HYCC2: variants seen among roughly 807,000 people sequenced by gnomAD.
HYCC2 encodes hyccin 2.
At chr2:201,063,655 T>A in the HYCC2 span, 1 of 1,573,616 alleles carries the variant, frequency 6.4e-7, no homozygotes, top group Non-Finnish European at 8.6e-7. Flanking sequence ...TGACTAGTGC[T>A]TCATCTAGCC....
chr2:200,999,716 A>C, the HYCC2 span, among the ~76,000 whole-genome samples: 2 of 149,376 alleles, frequency 1.3e-5, no homozygotes, highest in Admixed American at 1.3e-4. Flanking sequence ...AACATGAGGG[A>C]AAAAAGGTTG....
At chr2:200,978,519 AG>A in the HYCC2 span, 4 of 119,638 alleles carry the variant, frequency 3.3e-5, no homozygotes, top group African/African-American at 6.6e-5. Flanking sequence ...ACTGTTGCCT[AG>A]GCTGGAGTAC....
the HYCC2 span, among the ~76,000 whole-genome samples, chr2:201,044,904 T>C: frequency 7.9e-5 from 12 of 152,322 alleles, no homozygotes; most frequent in East Asian, 2.1e-3. Flanking sequence ...CTGTGGTAAG[T>C]GCTCTCAAAG....
the HYCC2 span, among the ~76,000 whole-genome samples, chr2:201,059,953 A>G: frequency 6.6e-6 from 1 of 150,724 alleles, no homozygotes; most frequent in Non-Finnish European, 1.5e-5. Flanking sequence ...GCTGAGGTGG[A>G]GAATCACTTG....
the HYCC2 span, among the ~76,000 whole-genome samples, chr2:201,017,353 A>C: frequency 6.6e-6 from 1 of 152,134 alleles, no homozygotes; most frequent in African/African-American, 2.4e-5. Context: ...CCAATCCACT[A>C]ACTATAAGAA....
the HYCC2 span, among the ~76,000 whole-genome samples, chr2:201,031,607 C>A: frequency 1.3e-5 from 2 of 152,094 alleles, no homozygotes; most frequent in Non-Finnish European, 2.9e-5. Flanking sequence ...GCCGAGACAG[C>A]GCCATTGCAC....
the HYCC2 span, among the ~76,000 whole-genome samples, chr2:201,019,024 T>C: frequency 6.6e-6 from 1 of 152,234 alleles, no homozygotes; most frequent in African/African-American, 2.4e-5. Flanking sequence ...CAGTGTATTC[T>C]ATGTAGTGCC....
At chr2:201,069,578 AC>A in the HYCC2 span, among the ~76,000 whole-genome samples, 919 of 140,648 alleles carry the variant, frequency 6.5e-3, 12 homozygotes, top group African/African-American at 0.024. Context: ...ACACACACAC[AC>A]ACACACACAC....
the HYCC2 span, among the ~76,000 whole-genome samples, chr2:201,002,839 G>GT: frequency 6.6e-6 from 1 of 152,000 alleles, no homozygotes; most frequent in Non-Finnish European, 1.5e-5. Flanking sequence ...ATTATTTAGC[G>GT]TAACAATTCA....
At chr2:201,044,112 A>C in the HYCC2 span, among the ~76,000 whole-genome samples, 11 of 152,230 alleles carry the variant, frequency 7.2e-5, no homozygotes, top group Non-Finnish European at 1.5e-4. Context: ...AACTATACTT[A>C]AAAGAACTCA....
At chr2:201,040,967 T>A in the HYCC2 span, among the ~76,000 whole-genome samples, 1 of 152,156 alleles carries the variant, frequency 6.6e-6, no homozygotes, top group Non-Finnish European at 1.5e-5. Context: ...CAAGGTTGCC[T>A]AAGGTTAAGG....
At chr2:201,058,767 C>T in the HYCC2 span, among the ~76,000 whole-genome samples, 3 of 152,220 alleles carry the variant, frequency 2.0e-5, no homozygotes, top group African/African-American at 7.2e-5. Flanking sequence ...ATCACTATGT[C>T]ATGACACTTT....
the HYCC2 span, chr2:200,977,387 G>A: frequency 6.6e-6 from 1 of 152,074 alleles, no homozygotes. Context: ...GTGAGGGAGT[G>A]GGAGACTAGC....
the HYCC2 span, among the ~76,000 whole-genome samples, chr2:201,015,774 C>T: frequency 6.6e-6 from 1 of 152,160 alleles, no homozygotes; most frequent in Non-Finnish European, 1.5e-5. Context: ...AACAGAACTA[C>T]TTTCTATTTC....
the HYCC2 span, among the ~76,000 whole-genome samples, chr2:201,060,735 A>G: frequency 6.6e-6 from 1 of 152,228 alleles, no homozygotes; most frequent in African/African-American, 2.4e-5. Context: ...TGATAAAGCA[A>G]AAAAGAGACT....
At chr2:201,039,140 C>A in the HYCC2 span, among the ~76,000 whole-genome samples, 1 of 152,134 alleles carries the variant, frequency 6.6e-6, no homozygotes, top group Non-Finnish European at 1.5e-5. Context: ...TAATCAGCTA[C>A]CTCTACCTTC....
At chr2:201,012,412 G>A in the HYCC2 span, among the ~76,000 whole-genome samples, 13 of 152,060 alleles carry the variant, frequency 8.5e-5, no homozygotes, top group Admixed American at 7.2e-4. Flanking sequence ...AGTGAGCTGA[G>A]ATCACCCACT....
At chr2:201,029,012 A>G in the HYCC2 span, among the ~76,000 whole-genome samples, 1 of 152,228 alleles carries the variant, frequency 6.6e-6, no homozygotes, top group Non-Finnish European at 1.5e-5. Context: ...TGTCAGAGTG[A>G]ACAGGCAACC....
chr2:201,070,120 T>A, the HYCC2 span, among the ~76,000 whole-genome samples: 9 of 152,298 alleles, frequency 5.9e-5, no homozygotes, highest in African/African-American at 2.2e-4. Flanking sequence ...ACCTACAAAA[T>A]CAAGTTTTTA....
Sources: gnomAD v4.1 joint callset for allele counts (sites outside exome capture counted in the v4.1 genomes callset) on GRCh38, gnomAD v4.1.1 for gene constraint, MANE v1.5 for transcripts, NCBI Gene and HGNC (gene_info 2026-07-23, HGNC 2026-07-21) for gene names.